Variants in CFAP77 observed in about 807,000 individuals in gnomAD.
The protein encoded by CFAP77 is cilia and flagella associated protein 77, also known as cilia- and flagella-associated protein 77.
A neutral mutation model predicts 31.1 loss-of-function variants in CFAP77; 25 were observed. The observed-to-expected ratio is 0.80, with a 90% CI of 0.59 to 1.12. The LOEUF is 1.12. CFAP77 is among the 50% of genes most tolerant of loss of function. CFAP77 has a pLI of 0.00. For missense variants in CFAP77, 377 were observed against 397.3 expected, an observed-to-expected ratio of 0.95 and a Z score of 0.44; for synonymous variants, 151 against 159.9, an observed-to-expected ratio of 0.94 and a Z score of 0.42.
chr9:132,446,396 C>T (rs141576971), intron 1 of CFAP77, among the ~76,000 whole-genome samples: 2 of 151,790 alleles, frequency 1.3e-5, no homozygotes, highest in African/African-American at 2.4e-5. Context: ...CCCGATAGAT[C>T]GCGTGTAGTG....
At chr9:132,544,423 C>CA (rs1852699882) in intron 5 of CFAP77, among the ~76,000 whole-genome samples, 1 of 152,094 alleles carries the variant, frequency 6.6e-6, no homozygotes, top group South Asian at 2.1e-4. Flanking sequence ...CCTGCTCTCT[C>CA]ACTCACTCAG....
chr9:132,414,499 T>TCACACA lies in CFAP77; in HGVS notation c.195+4069_195+4074dup, dbSNP rs34016277. 7.7e-3 allele frequency among the ~76,000 whole-genome samples: 1,113 copies of TCACACA among 143,776 alleles called. 5 individuals are homozygous for TCACACA. Among genetic ancestry groups the TCACACA allele is most frequent in the African/African-American group, 0.015 (568 of 38,764 alleles). The allele number at this position is 143,776 out of a possible 152,430, so 94.3% of individuals were successfully genotyped here. A position where few individuals can be genotyped will look rare whatever the true frequency, so the allele number is the denominator to read the frequency against. On this transcript the variant is annotated intron_variant, in intron 1 of 5. Coordinates refer to ENST00000393216, the MANE Select transcript of CFAP77 (RefSeq NM_001282957.2). ...GCTCTTGGGAAATGTTAGCTCTTAT[T>TCACACA]CACACACACACACACACACACACAC...
At position 132,473,585 on chromosome 9, in the gene CFAP77, C is replaced by T. The variant is rs148154493; in HGVS notation, c.196-25110C>T. 2.2e-3 allele frequency among the ~76,000 whole-genome samples: 335 copies of T among 152,274 alleles called. 1 individual carries two copies. The highest frequency in any genetic ancestry group is 7.1e-3 in the African/African-American group (296 of 41,542). On this transcript the variant is annotated intron_variant, in intron 1 of 5. Transcript: ENST00000393216. ...GAGGGTGGTTCCAGGCCAAACCAGA[C>T]GCGTGAAAGCCAGATGATCCCTAGT...
intron 1 of CFAP77, among the ~76,000 whole-genome samples, chr9:132,450,643 A>T (rs1050254542): frequency 1.3e-5 from 2 of 152,340 alleles, no homozygotes; most frequent in South Asian, 4.1e-4. Context: ...CTGCCTAGAC[A>T]GGCCATGAGC....
chr9:132,460,742 C>T (rs1486437027), intron 1 of CFAP77, among the ~76,000 whole-genome samples: 1 of 152,038 alleles, frequency 6.6e-6, no homozygotes, highest in Non-Finnish European at 1.5e-5. Flanking sequence ...CTGGATTGTG[C>T]ACTTTAAAAG....
chr9:132,544,152 C>G (rs956895291), intron 5 of CFAP77, among the ~76,000 whole-genome samples: 1 of 129,192 alleles, frequency 7.7e-6, no homozygotes, highest in African/African-American at 3.1e-5. Flanking sequence ...GAGAAACCTG[C>G]TCTGCCCCCC....
intron 3 of CFAP77, among the ~76,000 whole-genome samples, chr9:132,531,360 A>T (rs1341441464): frequency 6.6e-6 from 1 of 152,148 alleles, no homozygotes; most frequent in Non-Finnish European, 1.5e-5. Flanking sequence ...CAAACCAATG[A>T]ATGAGCGCCC....
At chr9:132,505,895 T>C (rs947377899) in intron 3 of CFAP77, among the ~76,000 whole-genome samples, 4 of 152,204 alleles carry the variant, frequency 2.6e-5, no homozygotes, top group Non-Finnish European at 5.9e-5. Flanking sequence ...GCAGCCTCTT[T>C]GTGTCCTCTG....
At chr9:132,466,424 C>G (rs1851151632) in intron 1 of CFAP77, among the ~76,000 whole-genome samples, 1 of 152,158 alleles carries the variant, frequency 6.6e-6, no homozygotes, top group African/African-American at 2.4e-5. Flanking sequence ...CCTTATACAC[C>G]AAGTCCCAGG....
In CFAP77 at chr9:132,410,223, G is replaced by C; in HGVS notation, c.-49G>C. ...AGCTCCAGGCTGTGCCCGACGTGGG[G>C]AAGCGCGCCCAAACCAGCCCGCGGG... is the stretch of plus-strand genomic sequence containing the variant. On this transcript the variant is annotated 5_prime_UTR_variant, in exon 1 of 6. Transcript: ENST00000393216. 6.8e-7 allele frequency: 1 copy of C among 1,480,162 alleles called. No homozygotes were observed. The highest frequency in any genetic ancestry group is 9.0e-7 in the Non-Finnish European group (1 of 1,110,002). The allele number at this position is 1,480,162 out of a possible 1,614,324, so 91.7% of individuals were successfully genotyped here.
intron 3 of CFAP77, among the ~76,000 whole-genome samples, chr9:132,502,277 TGG>T (rs140877509): frequency 4.1e-5 from 5 of 123,436 alleles, no homozygotes; most frequent in Admixed American, 7.8e-5. Context: ...TTTTTTTTTT[TGG>T]GGGAGGGGGG....
At chr9:132,520,172 A>G (rs10901181) in intron 3 of CFAP77, among the ~76,000 whole-genome samples, 66,901 of 150,924 alleles carry the variant, frequency 0.44, 15,408 homozygotes, top group East Asian at 0.77. Context: ...TCTCTAGTAC[A>G]TTCATAAAGC....
chr9:132,414,925 T>C (rs1021450211), intron 1 of CFAP77, among the ~76,000 whole-genome samples: 10 of 152,102 alleles, frequency 6.6e-5, no homozygotes, highest in African/African-American at 1.7e-4. Flanking sequence ...CTAATAAATA[T>C]TGATGCTGGC....
rs559183965 is a variant in CFAP77, at chr9:132,457,931, TAATC to T, written c.196-40763_196-40760del. ...CTCTGCACATTTGGATTGACTTAAT[TAATC>T]TGGTGTCCCAGATCGTCAGGACCGA... On this transcript the variant is annotated intron_variant, in intron 1 of 5. Coordinates refer to ENST00000393216, the MANE Select transcript of CFAP77 (RefSeq NM_001282957.2). Among the ~76,000 whole-genome samples the T allele has an allele frequency of 1.6e-3, 238 of 152,296 alleles. 1 individual carries two copies. The highest frequency in any genetic ancestry group is 5.2e-3 in the African/African-American group (218 of 41,576).
At chr9:132,426,395 G>A (rs939806344) in intron 1 of CFAP77, among the ~76,000 whole-genome samples, 5 of 152,086 alleles carry the variant, frequency 3.3e-5, no homozygotes, top group East Asian at 3.9e-4. Context: ...GTAGGATCCC[G>A]TTTCCACCTG....
intron 3 of CFAP77, among the ~76,000 whole-genome samples, chr9:132,524,625 A>AG (rs1852323081): frequency 1.3e-5 from 2 of 151,320 alleles, no homozygotes; most frequent in South Asian, 2.1e-4. Context: ...AAAAAAAAAA[A>AG]TTAATTGACA....
chr9:132,548,282 T>TGGGGGGGGGGGGGGGGGG (rs1852765914), intron 5 of CFAP77, among the ~76,000 whole-genome samples: 4 of 33,808 alleles, frequency 1.2e-4, no homozygotes, highest in South Asian at 2.8e-3. Flanking sequence ...GGCGGGGGGG[T>TGGGGGGGGGGGGGGGGGG]GGGGGGTGAA....
rs138982113 is a variant in CFAP77 at position 132,572,470 on chromosome 9, G to A, written c.815G>A (p.Arg272His). Residue 272 changes from arginine (R) to histidine (H), a missense_variant, in exon 6 of 6, where the codon CGC (arginine) becomes CAC (histidine). By Grantham distance (29) the Arg-to-His change is conservative. Transcript: ENST00000393216. ...GCCCACCGGGAAGAGTGTGCCGTGCGCCAGGGGACCCTGCGGATGGGCAAC... is the reference window on the plus strand; with the variant it reads ...GCCCACCGGGAAGAGTGTGCCGTGCACCAGGGGACCCTGCGGATGGGCAAC... ...LKAHREECAV[R>H]QGTLRMGNYT... 1.1e-5 allele frequency: 18 copies of A among 1,609,994 alleles called. No homozygotes were observed. The highest frequency in any genetic ancestry group is 3.3e-5 in the Admixed American group (2 of 59,960).
At chr9:132,444,287 C>G (rs1589853550) in intron 1 of CFAP77, among the ~76,000 whole-genome samples, 1 of 152,226 alleles carries the variant, frequency 6.6e-6, no homozygotes, top group Non-Finnish European at 1.5e-5. Context: ...CTAGAGCCAC[C>G]TGCGGCATTG....
Sources: gnomAD v4.1 joint callset for allele counts (sites outside exome capture counted in the v4.1 genomes callset) on GRCh38, gnomAD v4.1.1 for gene constraint, MANE v1.5 for transcripts, NCBI Gene and HGNC (gene_info 2026-07-23, HGNC 2026-07-21) for gene names.